The following SENP1 variants were observed in gnomAD, a reference collection of about 807,000 sequenced individuals.
SENP1 encodes the protein sentrin-specific protease 1.
Under a neutral mutation model 93.0 loss-of-function variants are expected in SENP1, and 21 were observed. The observed-to-expected ratio is 0.23, with a 90% CI of 0.16 to 0.33. The LOEUF (loss-of-function observed/expected upper bound fraction) is 0.33. Among genes scored for constraint, SENP1 ranks in the 10% least tolerant of loss-of-function variants. The pLI is 1.00. For missense variants in SENP1, 591 were observed against 758.7 expected (o/e 0.78, Z 2.60); for synonymous variants, 256 against 259.6 (o/e 0.99, Z 0.13).
chr12:48,060,456 A>G (rs560092538), intron 13 of SENP1, among the ~76,000 whole-genome samples: 5 of 152,226 alleles, frequency 3.3e-5, no homozygotes, highest in Non-Finnish European at 5.9e-5. Flanking sequence ...AAGTCATCCA[A>G]TTCAATCTCC....
At chr12:48,103,571 T>C (rs1008014383) in intron 1 of SENP1, among the ~76,000 whole-genome samples, 1 of 152,338 alleles carries the variant, frequency 6.6e-6, no homozygotes, top group African/African-American at 2.4e-5. Context: ...TGCAGTTACA[T>C]TGGGAGAAGG....
chr12:48,078,473 T>C (rs1336584354), intron 6 of SENP1, among the ~76,000 whole-genome samples: 2 of 151,504 alleles, frequency 1.3e-5, no homozygotes, highest in Non-Finnish European at 2.9e-5. Context: ...TGGTGGAGTC[T>C]GTAGGGTTTT....
At chr12:48,076,516 C>G (rs544654353) in intron 6 of SENP1, among the ~76,000 whole-genome samples, 17 of 151,596 alleles carry the variant, frequency 1.1e-4, no homozygotes, top group Admixed American at 2.0e-4. Context: ...ATTTTTAGTA[C>G]AGACAGGGTT....
intron 13 of SENP1, among the ~76,000 whole-genome samples, chr12:48,060,415 C>T (rs1265859229): frequency 2.6e-5 from 4 of 152,268 alleles, no homozygotes; most frequent in African/African-American, 4.8e-5. Context: ...GGATAATACA[C>T]CTAGAATCTT....
At chr12:48,055,820 T>C (rs1237889797) in intron 13 of SENP1, among the ~76,000 whole-genome samples, 1 of 144,376 alleles carries the variant, frequency 6.9e-6, no homozygotes, top group African/African-American at 2.5e-5. Context: ...ATCATATTAA[T>C]ATATATTTTA....
intron 5 of SENP1, chr12:48,085,433 G>GT (rs1178150671): frequency 5.2e-6 from 5 of 960,844 alleles, no homozygotes; most frequent in African/African-American, 3.3e-5. Flanking sequence ...GTCTTTGTGT[G>GT]AGGACTCCTC....
At chr12:48,105,932 C>T (rs1565826266) in intron 1 of SENP1, 96 bp downstream of exon 1, 2 of 678,042 alleles carry the variant, frequency 2.9e-6, no homozygotes, top group East Asian at 2.7e-5. Context: ...CGCTTCCGCC[C>T]AGTCCAGCCC....
chr12:48,090,105 G>C (rs767793178), intron 4 of SENP1, among the ~76,000 whole-genome samples: 1 of 152,098 alleles, frequency 6.6e-6, no homozygotes, highest in Non-Finnish European at 1.5e-5. Context: ...ATTAAAATAA[G>C]CTAATTTACT....
intron 14 of SENP1, 110 bp downstream of exon 14, chr12:48,048,819 C>T (rs2136759512): frequency 1.3e-6 from 1 of 771,864 alleles, no homozygotes. Flanking sequence ...CTACTAAACA[C>T]TCTTTCTCTC....
chr12:48,099,975 C>T (rs1399954049), intron 2 of SENP1, among the ~76,000 whole-genome samples: 2 of 151,894 alleles, frequency 1.3e-5, no homozygotes, highest in African/African-American at 4.8e-5. Flanking sequence ...AAGCAATAAA[C>T]GTAACAGAAT....
chr12:48,065,303 A>G, intron 11 of SENP1, 83 bp from the exon 12 acceptor site: 4 of 1,127,254 alleles, frequency 3.5e-6, no homozygotes, highest in Non-Finnish European at 2.5e-6. Context: ...GTCCCAATAA[A>G]CCTGTCATAA....
intron 1 of SENP1, 200 bp downstream of exon 1, chr12:48,105,828 G>GGCGGCCACAGC (rs542642635): frequency 1.7e-6 from 1 of 596,082 alleles, no homozygotes; most frequent in East Asian, 2.8e-5. Flanking sequence ...AACGGCCACC[G>GGCGGCCACAGC]GCGGCCACAG....
chr12:48,088,681 G>T (rs1439809710), intron 5 of SENP1, 120 bp downstream of exon 5: 8 of 938,430 alleles, frequency 8.5e-6, no homozygotes, highest in South Asian at 1.6e-5. Context: ...TATCCTTAAG[G>T]TTTAAAGTCC....
chr12:48,083,143 G>A (rs1035259546), intron 6 of SENP1, among the ~76,000 whole-genome samples: 2 of 152,166 alleles, frequency 1.3e-5, no homozygotes, highest in Non-Finnish European at 2.9e-5. Flanking sequence ...GGGCTCAAGT[G>A]ATCCACCTGT....
intron 4 of SENP1, chr12:48,089,178 G>A (rs1380293425): frequency 5.2e-6 from 8 of 1,530,502 alleles, no homozygotes; most frequent in African/African-American, 1.4e-5. Context: ...AATTGATGAA[G>A]GAGCTGAATC....
At position 48,106,012 on chromosome 12, in the gene SENP1, TCC is replaced by T. The variant is rs1946550486; in HGVS notation, c.-45+14_-45+15del. The T allele has an allele frequency of 1.4e-6, 1 of 700,604 alleles. No individual in the cohort carries two copies. The highest frequency in any genetic ancestry group is 1.8e-5 in the African/African-American group (1 of 57,112). 43.4% of individuals were successfully genotyped at this position (700,604 alleles called of 1,614,324 possible). ...CTCCATCCTCACCCCTCCCCCAGCTTCCCGCCGCCACTCACCGAACCGGAACC... is the reference window on the plus strand; with the variant it reads ...CTCCATCCTCACCCCTCCCCCAGCTTCGCCGCCACTCACCGAACCGGAACC... On this transcript the variant is annotated intron_variant, in intron 1 of 17. Coordinates refer to ENST00000549518, the MANE Select transcript of SENP1 (RefSeq NM_001267594.2).
chr12:48,058,031 C>T (rs1391871884), intron 13 of SENP1, among the ~76,000 whole-genome samples: 1 of 149,080 alleles, frequency 6.7e-6, no homozygotes, highest in Non-Finnish European at 1.5e-5. Flanking sequence ...CTGTAACCTC[C>T]ACCTCCCAGG....
At chr12:48,081,365 A>G (rs1944474711) in intron 6 of SENP1, 1 of 152,124 alleles carries the variant, frequency 6.6e-6, no homozygotes, top group Non-Finnish European at 1.5e-5. Flanking sequence ...CTATATAGAG[A>G]AGATTAGCAT....
At chr12:48,067,929 C>T (rs769308833) in intron 9 of SENP1, among the ~76,000 whole-genome samples, 80 of 152,190 alleles carry the variant, frequency 5.3e-4, no homozygotes, top group Non-Finnish European at 1.1e-3. Context: ...GGCACAATCT[C>T]GGCTCACTGC....
Sources: gnomAD v4.1 joint callset for allele counts (sites outside exome capture counted in the v4.1 genomes callset) on GRCh38, gnomAD v4.1.1 for gene constraint, MANE v1.5 for transcripts, NCBI Gene and HGNC (gene_info 2026-07-23, HGNC 2026-07-21) for gene names.